The following ASAP1 variants were observed in gnomAD, a reference collection of about 807,000 sequenced individuals.
ASAP1 encodes the protein arf-GAP with SH3 domain, ANK repeat and PH domain-containing protein 1.
In ASAP1, 43 loss-of-function variants were observed where a neutral mutation model predicts 145.2. That is an observed-to-expected ratio of 0.30 (90% CI 0.23 to 0.38). The LOEUF (loss-of-function observed/expected upper bound fraction) is 0.38, where lower values mean the gene tolerates loss of function less well. Ranked by LOEUF, ASAP1 falls within the 10% of genes least tolerant of loss-of-function variation. ASAP1 has a pLI of 1.00. For synonymous variants in ASAP1, 546 were observed against 515.5 expected (o/e 1.06, Z -0.80); for missense variants, 1,018 against 1,355.3 (o/e 0.75, Z 3.91).
chr8:130,082,501 CTTTTT>C (rs11414704), intron 25 of ASAP1, among the ~76,000 whole-genome samples: 2 of 130,676 alleles, frequency 1.5e-5, no homozygotes, highest in Non-Finnish European at 3.3e-5. Context: ...CACACGTGGC[CTTTTT>C]TTTTTTTTTT....
intron 3 of ASAP1, among the ~76,000 whole-genome samples, chr8:130,266,958 G>A (rs928616879): frequency 2.0e-5 from 3 of 151,780 alleles, no homozygotes; most frequent in Admixed American, 2.0e-4. Context: ...AGGATAATAA[G>A]TGAGGATAAG....
intron 3 of ASAP1, among the ~76,000 whole-genome samples, chr8:130,278,069 C>T (rs1463997880): frequency 7.2e-6 from 1 of 138,612 alleles, no homozygotes; most frequent in African/African-American, 2.7e-5. Flanking sequence ...TGTTGAAAAC[C>T]AGAAAAAAAA....
At chr8:130,345,994 G>A (rs1565230129) in intron 3 of ASAP1, among the ~76,000 whole-genome samples, 1 of 152,202 alleles carries the variant, frequency 6.6e-6, no homozygotes, top group Non-Finnish European at 1.5e-5. Flanking sequence ...ACTGCTCTAT[G>A]CAATTGGTAG....
chr8:130,117,177 T>C (rs1377721542), intron 20 of ASAP1, among the ~76,000 whole-genome samples, 182 bp from the exon 21 acceptor site: 1 of 152,228 alleles, frequency 6.6e-6, no homozygotes, highest in South Asian at 2.1e-4. Flanking sequence ...GCAGTATTTA[T>C]TTAGAGTGCC....
At position 130,205,194 on chromosome 8, in the gene ASAP1, T is replaced by G. The variant is rs80327240; in HGVS notation, c.405+9362A>C. On this transcript the variant is annotated intron_variant, in intron 5 of 29. Coordinates refer to ENST00000518721, the MANE Select transcript of ASAP1 (RefSeq NM_018482.4). ...CTTTTCCTTCTTCCTTCCTCTCACA[T>G]AGAACCAAAACTCTATACCAAATGT... 2.0e-3 allele frequency among the ~76,000 whole-genome samples: 310 copies of G among 152,186 alleles called. 1 individual carries two copies. Among genetic ancestry groups the G allele is most frequent in the Middle Eastern group, 0.01 (3 of 294 alleles).
intron 3 of ASAP1, among the ~76,000 whole-genome samples, chr8:130,346,437 C>T (rs945960844): frequency 5.3e-5 from 8 of 152,330 alleles, no homozygotes; most frequent in African/African-American, 1.9e-4. Context: ...ATTAGCATTG[C>T]ATGCATATCT....
At chr8:130,116,233 A>C (rs550891348) in intron 22 of ASAP1, among the ~76,000 whole-genome samples, 2 of 152,372 alleles carry the variant, frequency 1.3e-5, no homozygotes, top group African/African-American at 4.8e-5. Context: ...TTGCTAAGCA[A>C]GAACTAGTAG....
intron 3 of ASAP1, among the ~76,000 whole-genome samples, chr8:130,348,766 G>A (rs149926067): frequency 6.6e-6 from 1 of 152,316 alleles, no homozygotes; most frequent in African/African-American, 2.4e-5. Flanking sequence ...GCTTCAAACT[G>A]TAATCAGTAA....
intron 3 of ASAP1, among the ~76,000 whole-genome samples, chr8:130,308,743 T>C (rs1823142939): frequency 6.6e-6 from 1 of 152,112 alleles, no homozygotes; most frequent in Non-Finnish European, 1.5e-5. Context: ...AATGGGCCTG[T>C]AGAATGATGA....
At position 130,415,732 on chromosome 8, in the gene ASAP1, G is replaced by C. The variant is rs533435044; in HGVS notation, c.-27-13762C>G. On this transcript the variant is annotated intron_variant, in intron 1 of 29. Coordinates refer to ENST00000518721, the MANE Select transcript of ASAP1 (RefSeq NM_018482.4). ...GAACCCAGGAGGCGGAGGTTGCAGT[G>C]AGCCAAGATCACACTCCAGCCTGGG... Among the ~76,000 whole-genome samples, 125 of 148,556 alleles carry C rather than the reference G, an allele frequency of 8.4e-4. 3 individuals are homozygous for C. In the South Asian group the frequency reaches 0.025, roughly 29 times the overall value.
chr8:130,196,007 A>G (rs1402893969), intron 5 of ASAP1, among the ~76,000 whole-genome samples: 2 of 152,170 alleles, frequency 1.3e-5, no homozygotes, highest in East Asian at 1.9e-4. Flanking sequence ...CCCTGTATCT[A>G]TTTTGTTTAC....
At chr8:130,351,541 G>A (rs1825995064) in intron 3 of ASAP1, among the ~76,000 whole-genome samples, 1 of 152,138 alleles carries the variant, frequency 6.6e-6, no homozygotes, top group African/African-American at 2.4e-5. Context: ...TACAAGCATG[G>A]CGCTGGTATC....
At position 130,424,856 on chromosome 8, in the gene ASAP1, G is replaced by A. The variant is rs530604355; in HGVS notation, c.-28+18604C>T. Among the ~76,000 whole-genome samples, 6 of 152,188 alleles carry A rather than the reference G, an allele frequency of 3.9e-5. 1 individual carries two copies. The highest frequency in any genetic ancestry group is 1.4e-4 in the African/African-American group (6 of 41,522). On this transcript the variant is annotated intron_variant, in intron 1 of 29. Transcript: ENST00000518721. ...AAAATACAAAAAATTAGCCGGGCAT[G>A]GTGGCAGGTGCCTGTAGTTCCAGCT... is the stretch of plus-strand genomic sequence containing the variant.
intron 16 of ASAP1, among the ~76,000 whole-genome samples, chr8:130,126,299 C>T (rs993370952): frequency 6.6e-6 from 1 of 152,170 alleles, no homozygotes; most frequent in African/African-American, 2.4e-5. Context: ...AGCACTTTAT[C>T]CTTGTGAAAA....
At chr8:130,353,300 T>C (rs1276666087) in intron 3 of ASAP1, among the ~76,000 whole-genome samples, 1 of 152,236 alleles carries the variant, frequency 6.6e-6, no homozygotes, top group Non-Finnish European at 1.5e-5. Flanking sequence ...TCACGGATTA[T>C]ACTCAAATGA....
intron 3 of ASAP1, among the ~76,000 whole-genome samples, chr8:130,321,608 ACT>A (rs150681591): frequency 0.18 from 27,565 of 151,792 alleles, 3,148 homozygotes; most frequent in East Asian, 0.43. Context: ...CCTAATAAAG[ACT>A]CTGTTTTATC....
chr8:130,241,010 G>A (rs556277678), intron 3 of ASAP1, among the ~76,000 whole-genome samples: 1 of 152,190 alleles, frequency 6.6e-6, no homozygotes, highest in Non-Finnish European at 1.5e-5. Flanking sequence ...TTGAGACTTT[G>A]AGGACAAGGA....
chr8:130,068,839 A>G (rs2097435782), intron 27 of ASAP1, among the ~76,000 whole-genome samples: 1 of 152,174 alleles, frequency 6.6e-6, no homozygotes, highest in Non-Finnish European at 1.5e-5. Context: ...CACGCTGAAC[A>G]TGCCTGTTAC....
At chr8:130,414,286 A>C (rs1829386948) in intron 1 of ASAP1, among the ~76,000 whole-genome samples, 1 of 152,190 alleles carries the variant, frequency 6.6e-6, no homozygotes, top group Admixed American at 6.5e-5. Flanking sequence ...TAAGATAATA[A>C]ATGTGTGTTG....
Sources: allele counts gnomAD v4.1 joint callset (sites outside exome capture counted in the v4.1 genomes callset), GRCh38; gene constraint gnomAD v4.1.1; transcripts MANE v1.5; gene names NCBI Gene and HGNC (gene_info 2026-07-23, HGNC 2026-07-21).